The following DIS3L2 variants were observed in gnomAD, a reference collection of about 807,000 sequenced individuals.
DIS3L2 encodes the protein DIS3-like exonuclease 2.
DIS3L2 carries 34 observed loss-of-function variants against 97.5 expected under a neutral mutation model. The ratio of observed to expected loss-of-function variants is 0.35; its 90% confidence interval spans 0.27 to 0.46. The LOEUF (loss-of-function observed/expected upper bound fraction) is 0.46, where lower values mean the gene tolerates loss of function less well. Among genes scored for constraint, DIS3L2 ranks in the 20% least tolerant of loss-of-function variants. The pLI is 1.00. For synonymous variants in DIS3L2, 435 were observed against 445.2 expected (o/e 0.98, Z 0.29); for missense variants, 1,038 against 1,146.0 (o/e 0.91, Z 1.36).
rs953799184 is a variant in DIS3L2, at chr2:232,205,613, A to T, written c.1125-4713A>T. 4.6e-5 allele frequency among the ~76,000 whole-genome samples: 7 copies of T among 151,992 alleles called. No homozygotes were observed. The South Asian group carries it at 1.2e-3, about 27-fold the overall frequency. ...CACCGTGCCCAGCAAGTGTTTTTTT[A>T]AAAATTAGGAAATGAGGTAAAAGGA... On this transcript the variant is annotated intron_variant, in intron 9 of 20. Coordinates refer to ENST00000325385, the MANE Select transcript of DIS3L2 (RefSeq NM_152383.5).
intron 8 of DIS3L2, among the ~76,000 whole-genome samples, chr2:232,162,821 T>C (rs1371660865): frequency 6.6e-6 from 1 of 152,212 alleles, no homozygotes. Context: ...AGGAGTGAGA[T>C]CTGCCTTCTG....
intron 9 of DIS3L2, among the ~76,000 whole-genome samples, chr2:232,165,526 T>C (rs886432588): frequency 6.6e-5 from 10 of 152,096 alleles, no homozygotes; most frequent in African/African-American, 2.4e-4. Flanking sequence ...ACTATTCAAA[T>C]TATTATTATT....
At position 232,156,632 on chromosome 2, in the gene DIS3L2, G is replaced by A. The variant is rs912440705; in HGVS notation, c.951-6827G>A. On this transcript the variant is annotated intron_variant, in intron 8 of 20. Coordinates refer to ENST00000325385, the MANE Select transcript of DIS3L2 (RefSeq NM_152383.5). ...AAAATGCTTTTTGTCTAAGTTTTTAGCCCCTTTTCTATTTTAGGCATAAGA... is the reference window on the plus strand; with the variant it reads ...AAAATGCTTTTTGTCTAAGTTTTTAACCCCTTTTCTATTTTAGGCATAAGA... Among the ~76,000 whole-genome samples, 3 of 152,006 alleles carry A rather than the reference G, an allele frequency of 2.0e-5. No individual in the cohort carries two copies. In the East Asian group the frequency reaches 5.8e-4, roughly 29 times the overall value.
chr2:232,256,847 G>A (rs776900212), intron 12 of DIS3L2, among the ~76,000 whole-genome samples: 4 of 152,164 alleles, frequency 2.6e-5, no homozygotes, highest in Non-Finnish European at 4.4e-5. Context: ...GCTGGGCATG[G>A]TGGCTCATAC....
downstream of DIS3L2, among the ~76,000 whole-genome samples, chr2:232,340,479 G>A (rs1696080113): frequency 6.6e-6 from 1 of 152,160 alleles, no homozygotes; most frequent in South Asian, 2.1e-4. Context: ...TTACTGGTCG[G>A]CCCTGGAGAG....
At chr2:232,238,004 G>C (rs1692979949) in intron 10 of DIS3L2, among the ~76,000 whole-genome samples, 1 of 152,148 alleles carries the variant, frequency 6.6e-6, no homozygotes, top group Non-Finnish European at 1.5e-5. Context: ...AACAGGCTAA[G>C]AGTACCTTTC....
intron 13 of DIS3L2, among the ~76,000 whole-genome samples, chr2:232,283,526 G>A (rs987290623): frequency 8.5e-5 from 13 of 152,242 alleles, no homozygotes; most frequent in African/African-American, 2.6e-4. Context: ...CCATAGTGTT[G>A]GAACTACAGG....
At chr2:232,108,012 C>A (rs1697403694) in intron 6 of DIS3L2, among the ~76,000 whole-genome samples, 1 of 152,098 alleles carries the variant, frequency 6.6e-6, no homozygotes, top group African/African-American at 2.4e-5. Flanking sequence ...AAAAAGGGGA[C>A]CCCTCCCTAA....
At chr2:232,092,485 T>G (rs1480099074) in intron 6 of DIS3L2, among the ~76,000 whole-genome samples, 1 of 152,144 alleles carries the variant, frequency 6.6e-6, no homozygotes, top group Non-Finnish European at 1.5e-5. Flanking sequence ...ATCTGTAGAT[T>G]GCTTTGGTAT....
chr2:231,995,672 T>A, intron 1 of DIS3L2, among the ~76,000 whole-genome samples: 1 of 152,228 alleles, frequency 6.6e-6, no homozygotes, highest in Non-Finnish European at 1.5e-5. Flanking sequence ...TTTTCTGGTT[T>A]CTGGCTCCCA....
At chr2:232,172,696 T>C (rs758153239) in intron 9 of DIS3L2, 4 of 534,536 alleles carry the variant, frequency 7.5e-6, no homozygotes, top group South Asian at 2.8e-5. Flanking sequence ...TTTAGAGTAA[T>C]TGTGAAACTG....
intron 14 of DIS3L2, among the ~76,000 whole-genome samples, chr2:232,306,405 C>T (rs1192854614): frequency 1.3e-5 from 2 of 152,206 alleles, no homozygotes; most frequent in African/African-American, 2.4e-5. Flanking sequence ...ACTGTATCAA[C>T]GTCTGATACT....
chr2:232,087,830 T>C (rs1361214838), intron 6 of DIS3L2, 109 bp downstream of exon 6: 1 of 886,856 alleles, frequency 1.1e-6, no homozygotes, highest in Non-Finnish European at 1.7e-6. Context: ...ATAGTCCTAA[T>C]TTTTGACCTG....
At chr2:232,127,360 T>C (rs773016231) in intron 6 of DIS3L2, among the ~76,000 whole-genome samples, 6 of 152,198 alleles carry the variant, frequency 3.9e-5, no homozygotes, top group Non-Finnish European at 7.3e-5. Context: ...TAATTGCTAG[T>C]GTCAGAAAGC....
In DIS3L2 at chr2:232,024,438, A is replaced by G. The variant is rs1694604168; in HGVS notation, c.264+108A>G. ...CTAAAAAGCAGAGTAGTGAAACAAA[A>G]TTGACGATGGGCAAAGATTTGTTTC... is the stretch of plus-strand genomic sequence containing the variant. On this transcript the variant is annotated intron_variant, in intron 4 of 20. Coordinates refer to ENST00000325385, the MANE Select transcript of DIS3L2 (RefSeq NM_152383.5). The G allele has an allele frequency of 3.5e-6, 3 of 846,772 alleles. No individual in the cohort carries two copies. The South Asian group carries it at 5.0e-5, about 14-fold the overall frequency. 52.5% of individuals were successfully genotyped at this position (846,772 alleles called of 1,614,324 possible).
At chr2:232,300,862 C>T (rs1424532097) in intron 14 of DIS3L2, among the ~76,000 whole-genome samples, 1 of 152,050 alleles carries the variant, frequency 6.6e-6, no homozygotes, top group East Asian at 1.9e-4. Flanking sequence ...CTATGTTGCC[C>T]TGGTTGGTCT....
intron 5 of DIS3L2, among the ~76,000 whole-genome samples, chr2:232,049,167 C>T (rs1413619995): frequency 1.3e-5 from 2 of 152,022 alleles, no homozygotes; most frequent in Non-Finnish European, 1.5e-5. Flanking sequence ...TGTTATAGGA[C>T]ATTTTAATTT....
intron 1 of DIS3L2, among the ~76,000 whole-genome samples, chr2:231,978,250 A>G (rs1693153266): frequency 1.3e-5 from 2 of 152,250 alleles, no homozygotes; most frequent in African/African-American, 4.8e-5. Context: ...TAAGAAAACA[A>G]AATTATCGTT....
At chr2:232,000,814 A>T (rs1489978764) in intron 1 of DIS3L2, among the ~76,000 whole-genome samples, 15 of 132,974 alleles carry the variant, frequency 1.1e-4, no homozygotes, top group Non-Finnish European at 2.0e-4. Context: ...CAGTTCTCCT[A>T]CCTTGGCCTC....
Sources: gnomAD v4.1 joint callset for allele counts (sites outside exome capture counted in the v4.1 genomes callset) on GRCh38, gnomAD v4.1.1 for gene constraint, MANE v1.5 for transcripts, NCBI Gene and HGNC (gene_info 2026-07-23, HGNC 2026-07-21) for gene names.